The following APC variants were observed in gnomAD, a reference collection of about 807,000 sequenced individuals.
The protein encoded by APC is APC regulator of Wnt signaling pathway.
APC carries 72 observed loss-of-function variants against 247.0 expected under a neutral mutation model. The observed-to-expected ratio is 0.29, with a 90% CI of 0.24 to 0.35. The LOEUF is 0.35. APC is among the 10% of genes least tolerant of loss of function. The probability of loss-of-function intolerance (pLI) is 1.00; values close to 1 mark genes in which losing one functional copy is unlikely to be tolerated. For synonymous variants in APC, 1,254 were observed against 1,162.5 expected, an observed-to-expected ratio of 1.08 and a Z score of -1.60; for missense variants, 3,400 against 3,360.7, an observed-to-expected ratio of 1.01 and a Z score of -0.29.
intron 10 of APC, among the ~76,000 whole-genome samples, chr5:112,821,030 ATTT>A (rs1268327067): frequency 5.3e-5 from 7 of 132,362 alleles, no homozygotes; most frequent in Admixed American, 1.5e-4. Context: ...CAACTGACTA[ATTT>A]TTTTTTTTTT....
At chr5:112,725,135 C>G (rs1275763746) in intron 1 of APC, among the ~76,000 whole-genome samples, 1 of 152,002 alleles carries the variant, frequency 6.6e-6, no homozygotes, top group East Asian at 1.9e-4. Context: ...CCACCACACC[C>G]AGCTAATTTG....
intron 1 of APC, among the ~76,000 whole-genome samples, chr5:112,742,948 A>G (rs1420334887): frequency 2.6e-5 from 4 of 152,238 alleles, no homozygotes; most frequent in Non-Finnish European, 5.9e-5. Flanking sequence ...GTTGTAACAA[A>G]TTAACACAAA....
chr5:112,767,834 T>C (rs1756532691), intron 4 of APC, among the ~76,000 whole-genome samples: 1 of 151,848 alleles, frequency 6.6e-6, no homozygotes, highest in Admixed American at 6.6e-5. Context: ...TTTCTTCATG[T>C]TGGCCAAGCT....
At chr5:112,799,449 T>C (rs1760567519) in intron 7 of APC, among the ~76,000 whole-genome samples, 1 of 152,154 alleles carries the variant, frequency 6.6e-6, no homozygotes, top group South Asian at 2.1e-4. Context: ...TTTACCTCTA[T>C]GTCTCCACTT....
intron 5 of APC, among the ~76,000 whole-genome samples, chr5:112,776,640 C>A (rs542428201): frequency 6.6e-6 from 1 of 152,212 alleles, no homozygotes; most frequent in South Asian, 2.1e-4. Flanking sequence ...GAGTTCGAGA[C>A]CAGCCTGGTC....
intron 4 of APC, among the ~76,000 whole-genome samples, chr5:112,771,292 G>A (rs1453330139): frequency 1.3e-5 from 2 of 152,060 alleles, no homozygotes; most frequent in Non-Finnish European, 2.9e-5. Flanking sequence ...ATGATAATAT[G>A]AGGATCTAGT....
intron 8 of APC, among the ~76,000 whole-genome samples, chr5:112,805,452 G>A (rs556056005): frequency 6.6e-6 from 1 of 152,294 alleles, no homozygotes; most frequent in East Asian, 1.9e-4. Context: ...GTAAACATAA[G>A]TATGTTTGTT....
chr5:112,834,084 G>A (rs754669069), intron 14 of APC, among the ~76,000 whole-genome samples: 17 of 151,462 alleles, frequency 1.1e-4, no homozygotes, highest in East Asian at 3.9e-4. Flanking sequence ...GACTGCAGGC[G>A]CGTGCCACCA....
rs770315986 is a variant in APC at position 112,842,461 on chromosome 5, A to T, written c.6867A>T (p.Thr2289=). 1 of 1,614,032 alleles carries T rather than the reference A, an allele frequency of 6.2e-7. No individual in the cohort carries two copies. The highest frequency in any genetic ancestry group is 1.1e-5 in the South Asian group (1 of 91,080). The part of the protein sequence containing the change: ...KSELSPVARQ[T]SQIGGSSKAP... ...AATTAAGCCCTGTTGCCAGGCAGAC[A>T]TCCCAAATAGGTGGGTCAAGTAAAG... Residue 2289 remains threonine (T), a synonymous_variant, in exon 16 of 16, where the codon ACA becomes ACT. Transcript: ENST00000257430.
chr5:112,751,324 CTCT>C (rs1316861641), intron 1 of APC, among the ~76,000 whole-genome samples: 1 of 152,046 alleles, frequency 6.6e-6, no homozygotes, highest in East Asian at 1.9e-4. Context: ...TTACTCCCTG[CTCT>C]TCTTTCATAT....
At chr5:112,810,132 A>G (rs1188761175) in intron 8 of APC, 1 of 456,168 alleles carries the variant, frequency 2.2e-6, no homozygotes, top group Admixed American at 2.3e-5. Flanking sequence ...TAAGATAGAA[A>G]AGATGAGGAT....
chr5:112,825,917 A>G (rs934709245), intron 11 of APC, among the ~76,000 whole-genome samples: 1 of 152,194 alleles, frequency 6.6e-6, no homozygotes, highest in South Asian at 2.1e-4. Flanking sequence ...GTATTTTGCC[A>G]CTGTTGCAGG....
rs1765605460 is a variant in APC at position 112,839,709 on chromosome 5, C to T, written c.4115C>T (p.Pro1372Leu). The change falls in exon 16 of 16, where the codon CCA becomes CTA. Residue 1372 changes from proline (P) to leucine (L), a missense_variant. Coordinates refer to ENST00000257430, the MANE Select transcript of APC (RefSeq NM_000038.6). The surrounding 1 kb of genome is among the most constrained non-coding windows in gnomAD (Gnocchi z 5.0). ...SKSGAQTPKSPPEHYVQETPL... is the reference protein window; with the variant it reads ...SKSGAQTPKSLPEHYVQETPL... ...AGTGGTGCTCAGACACCCAAAAGTC[C>T]ACCTGAACACTATGTTCAGGAGACC... 6.2e-7 allele frequency: 1 copy of T among 1,614,098 alleles called. No homozygotes were observed. The highest frequency in any genetic ancestry group is 1.6e-4 in the Middle Eastern group (1 of 6,062).
chr5:112,827,270 T>C, intron 12 of APC, 23 bp downstream of exon 12: 1 of 1,613,192 alleles, frequency 6.2e-7, no homozygotes, highest in East Asian at 2.2e-5. Context: ...AACATGTATT[T>C]CTTAAGATAG....
rs79909810 is a variant in APC, at chr5:112,838,105, A to C, written c.2511A>C (p.Ser837=). The part of the protein sequence containing the change: ...NTTVLPSSSS[S]RGSLDSSRSE... ...CAGTGTTACCCAGCTCCTCTTCATC[A>C]AGAGGAAGCTTAGATAGTTCTCGTT... Residue 837 remains serine (S), a synonymous_variant, in exon 16 of 16, where the codon TCA becomes TCC. Coordinates refer to ENST00000257430, the MANE Select transcript of APC (RefSeq NM_000038.6). The C allele has an allele frequency of 6.2e-7, 1 of 1,614,208 alleles. No individual in the cohort carries two copies. Among genetic ancestry groups the C allele is most frequent in the Non-Finnish European group, 8.5e-7 (1 of 1,180,040 alleles).
At chr5:112,829,261 C>T (rs900713598) in intron 14 of APC, 4 of 337,358 alleles carry the variant, frequency 1.2e-5, no homozygotes, top group African/African-American at 8.6e-5. Flanking sequence ...GCCTCAGCCT[C>T]CTGAGTAGCT....
intron 2 of APC, among the ~76,000 whole-genome samples, chr5:112,764,233 G>A (rs1369464242): frequency 2.9e-5 from 4 of 139,356 alleles, no homozygotes; most frequent in Non-Finnish European, 4.6e-5. Flanking sequence ...GCGACAGAGC[G>A]AGACTCCGTC....
At chr5:112,711,251 G>C (rs1004079407) in intron 1 of APC, among the ~76,000 whole-genome samples, 28 of 152,224 alleles carry the variant, frequency 1.8e-4, no homozygotes, top group Non-Finnish European at 5.9e-5. Context: ...ACATGCAAGG[G>C]ATCAGGGTTG....
In APC at chr5:112,773,157, G is replaced by A. The variant is rs533998110; in HGVS notation, c.423-2472G>A. Among the ~76,000 whole-genome samples, 5 of 152,218 alleles carry A rather than the reference G, an allele frequency of 3.3e-5. No individual in the cohort carries two copies. In the South Asian group the frequency reaches 1.0e-3, roughly 32 times the overall value. ...CATCACTATTAAGGTTGCCACATAA[G>A]AACAAAAGCTTATTTCTTATTTTTT... On this transcript the variant is annotated intron_variant, in intron 4 of 15. Transcript: ENST00000257430.
Sources: allele counts gnomAD v4.1 joint callset (sites outside exome capture counted in the v4.1 genomes callset), GRCh38; gene constraint gnomAD v4.1.1; non-coding constraint Gnocchi (gnomAD v3.1); transcripts MANE v1.5; gene names NCBI Gene and HGNC (gene_info 2026-07-23, HGNC 2026-07-21).